LRP1B: variants seen among roughly 807,000 people sequenced by gnomAD.
The protein encoded by LRP1B is LDL receptor related protein 1B, also known as low-density lipoprotein receptor-related protein 1B.
Under a neutral mutation model 556.6 loss-of-function variants are expected in LRP1B, and 217 were observed. That is an observed-to-expected ratio of 0.39 (90% CI 0.35 to 0.44). The LOEUF (loss-of-function observed/expected upper bound fraction) is 0.44, where lower values mean the gene tolerates loss of function less well. Among genes scored for constraint, LRP1B ranks in the 20% least tolerant of loss-of-function variants. The pLI, the probability that LRP1B is intolerant of heterozygous loss-of-function variation, is 1.00. For missense variants in LRP1B, 5,053 were observed against 5,620.8 expected (o/e 0.90, Z 3.23); for synonymous variants, 2,047 against 1,865.8 (o/e 1.10, Z -2.50).
chr2:141,228,428 C>G (rs1363042319), intron 6 of LRP1B, among the ~76,000 whole-genome samples: 1 of 144,918 alleles, frequency 6.9e-6, no homozygotes, highest in African/African-American at 2.6e-5. Context: ...TGTGTGTACT[C>G]CCATGTGGAA....
At chr2:141,445,082 TTAA>T (rs1278928747) in intron 3 of LRP1B, among the ~76,000 whole-genome samples, 7 of 152,242 alleles carry the variant, frequency 4.6e-5, no homozygotes, top group African/African-American at 1.7e-4. Flanking sequence ...TGGTAGGCTA[TTAA>T]TTACTGCCTC....
At chr2:141,980,326 A>G (rs982333781) in intron 1 of LRP1B, among the ~76,000 whole-genome samples, 12 of 152,228 alleles carry the variant, frequency 7.9e-5, no homozygotes, top group African/African-American at 2.6e-4. Context: ...CAGTTCCCCA[A>G]TGCTACAATA....
chr2:140,361,369 T>TATATAC (rs1553454152), intron 72 of LRP1B, among the ~76,000 whole-genome samples: 3 of 127,244 alleles, frequency 2.4e-5, no homozygotes, highest in African/African-American at 9.1e-5. Context: ...TATATATATA[T>TATATAC]ATATATATAT....
intron 21 of LRP1B, among the ~76,000 whole-genome samples, chr2:140,916,079 A>G (rs1187399060): frequency 6.6e-6 from 1 of 152,146 alleles, no homozygotes. Context: ...GGAAAAATAT[A>G]GGAGGCTCAT....
At chr2:141,155,558 A>G (rs1004820040) in intron 7 of LRP1B, among the ~76,000 whole-genome samples, 23 of 151,894 alleles carry the variant, frequency 1.5e-4, no homozygotes, top group African/African-American at 5.3e-4. Flanking sequence ...TATATGTGCC[A>G]TGGTGGTTTG....
chr2:140,405,770 AAAG>A (rs1272833343), intron 66 of LRP1B, among the ~76,000 whole-genome samples: 3 of 152,192 alleles, frequency 2.0e-5, no homozygotes, highest in East Asian at 1.9e-4. Flanking sequence ...CCAGATATTC[AAAG>A]AAGAATTTGT....
chr2:141,823,902 G>C (rs1310996994), intron 1 of LRP1B, among the ~76,000 whole-genome samples: 1 of 152,150 alleles, frequency 6.6e-6, no homozygotes, highest in Non-Finnish European at 1.5e-5. Flanking sequence ...TCAAACTCCT[G>C]AGTTCAAGTG....
chr2:141,840,257 C>CTTTT (rs565362139), intron 1 of LRP1B, among the ~76,000 whole-genome samples: 97 of 84,222 alleles, frequency 1.2e-3, no homozygotes, highest in East Asian at 1.3e-3. Context: ...AACAAATTTC[C>CTTTT]TTTTTTTTTT....
chr2:141,096,325 C>G lies in LRP1B; in HGVS notation c.1014-34052G>C, dbSNP rs148092227. Reference sequence around the variant, plus strand: ...ATCCTCGGCCAGGCGCAGTGGCTCACTCCTGTAATCCCAGCACTTCGGGAG... The same window carrying G: ...ATCCTCGGCCAGGCGCAGTGGCTCAGTCCTGTAATCCCAGCACTTCGGGAG... On this transcript the variant is annotated intron_variant, in intron 7 of 90. Transcript: ENST00000389484. Among the ~76,000 whole-genome samples, 61 of 152,174 alleles carry G rather than the reference C, an allele frequency of 4.0e-4. No homozygotes were observed. The East Asian group carries it at 0.011, about 28-fold the overall frequency.
At chr2:141,625,486 ATCT>A (rs1286501978) in intron 2 of LRP1B, among the ~76,000 whole-genome samples, 4 of 152,170 alleles carry the variant, frequency 2.6e-5, no homozygotes, top group Non-Finnish European at 1.5e-5. Context: ...TTTCTAAACA[ATCT>A]TCCTTTGGTG....
At chr2:140,727,207 G>A (rs1277731225) in intron 35 of LRP1B, among the ~76,000 whole-genome samples, 1 of 152,090 alleles carries the variant, frequency 6.6e-6, no homozygotes, top group Non-Finnish European at 1.5e-5. Context: ...GAAAAGGAAA[G>A]GCTTAGTACT....
chr2:141,124,281 A>C (rs1159537258), intron 7 of LRP1B, among the ~76,000 whole-genome samples: 1 of 152,118 alleles, frequency 6.6e-6, no homozygotes, highest in Non-Finnish European at 1.5e-5. Context: ...AGAGTTTAAA[A>C]ATGACTTTCT....
chr2:140,678,788 G>GT, intron 41 of LRP1B, among the ~76,000 whole-genome samples: 1 of 124,502 alleles, frequency 8.0e-6, no homozygotes, highest in South Asian at 2.5e-4. Flanking sequence ...TTTTTTTTTG[G>GT]TTGGGGGGGA....
intron 2 of LRP1B, among the ~76,000 whole-genome samples, chr2:141,663,899 C>T (rs1690318294): frequency 7.5e-6 from 1 of 133,972 alleles, no homozygotes; most frequent in African/African-American, 2.8e-5. Context: ...ATCCTAATAC[C>T]AAAACCTTGC....
At chr2:141,546,798 G>T (rs1384764246) in intron 2 of LRP1B, among the ~76,000 whole-genome samples, 1 of 152,170 alleles carries the variant, frequency 6.6e-6, no homozygotes, top group African/African-American at 2.4e-5. Context: ...ATCCAGGCTA[G>T]TTAGAAACTG....
At chr2:140,288,024 A>G (rs564528546) in intron 84 of LRP1B, among the ~76,000 whole-genome samples, 93 of 151,818 alleles carry the variant, frequency 6.1e-4, no homozygotes, top group African/African-American at 2.2e-3. Context: ...ATTGTTTTCT[A>G]TTTCTGCTAT....
intron 21 of LRP1B, among the ~76,000 whole-genome samples, chr2:140,914,634 A>G (rs1694521249): frequency 6.6e-6 from 1 of 152,134 alleles, no homozygotes; most frequent in African/African-American, 2.4e-5. Flanking sequence ...TAAGAGAAGA[A>G]TATCTACAAT....
At chr2:141,101,677 G>C (rs139391434) in intron 7 of LRP1B, among the ~76,000 whole-genome samples, 1,711 of 152,206 alleles carry the variant, frequency 0.011, 14 homozygotes, top group Non-Finnish European at 0.016. Flanking sequence ...ATGAAAGAAA[G>C]ATTTTTTTCT....
At chr2:140,615,075 T>C (rs1683209903) in intron 41 of LRP1B, among the ~76,000 whole-genome samples, 1 of 152,142 alleles carries the variant, frequency 6.6e-6, no homozygotes, top group South Asian at 2.1e-4. Flanking sequence ...ACAAGATTTA[T>C]GTAACAGAGT....
Sources: gnomAD v4.1 joint callset for allele counts (sites outside exome capture counted in the v4.1 genomes callset) on GRCh38, gnomAD v4.1.1 for gene constraint, MANE v1.5 for transcripts, NCBI Gene and HGNC (gene_info 2026-07-23, HGNC 2026-07-21) for gene names.